Variants in COMMD10 observed in about 807,000 individuals in gnomAD.
COMMD10 encodes COMM domain containing 10.
A neutral mutation model predicts 28.9 loss-of-function variants in COMMD10; 33 were observed. That is an observed-to-expected ratio of 1.14 (90% confidence interval 0.87 to 1.53). COMMD10 has a LOEUF of 1.53. Among genes scored for constraint, COMMD10 ranks in the 40% most tolerant of loss-of-function variants. The probability of loss-of-function intolerance (pLI) is 0.00; values close to 1 mark genes in which losing one functional copy is unlikely to be tolerated. For missense variants in COMMD10, 310 were observed against 233.4 expected (o/e 1.33, Z -2.14); for synonymous variants, 110 against 81.7 (o/e 1.35, Z -1.87).
At chr5:116,089,799 T>C (rs577759476) in intron 2 of COMMD10, among the ~76,000 whole-genome samples, 9 of 152,340 alleles carry the variant, frequency 5.9e-5, no homozygotes, top group Admixed American at 4.6e-4. Context: ...ACTTGCCTGC[T>C]AAGAAGACGT....
At chr5:116,175,889 T>A (rs1047048399) in intron 5 of COMMD10, among the ~76,000 whole-genome samples, 1 of 152,054 alleles carries the variant, frequency 6.6e-6, no homozygotes, top group African/African-American at 2.4e-5. Context: ...AGTAGGGAGT[T>A]ATTGTTTAAT....
intron 4 of COMMD10, among the ~76,000 whole-genome samples, chr5:116,094,760 G>A (rs1029807847): frequency 8.5e-5 from 13 of 152,268 alleles, no homozygotes; most frequent in Non-Finnish European, 1.5e-4. Context: ...GCAAAGATAA[G>A]AAATCAACCT....
At chr5:116,209,758 T>C (rs1748911229) in intron 5 of COMMD10, among the ~76,000 whole-genome samples, 1 of 152,210 alleles carries the variant, frequency 6.6e-6, no homozygotes, top group African/African-American at 2.4e-5. Context: ...TATATGTTTT[T>C]GTATATATTT....
chr5:116,196,472 C>T (rs778941789), intron 5 of COMMD10, among the ~76,000 whole-genome samples: 1 of 151,350 alleles, frequency 6.6e-6, no homozygotes, highest in Non-Finnish European at 1.5e-5. Flanking sequence ...CCGAATACCA[C>T]CTGTACCCCA....
intron 5 of COMMD10, among the ~76,000 whole-genome samples, chr5:116,287,276 T>C (rs1224543789): frequency 6.6e-6 from 1 of 151,736 alleles, no homozygotes; most frequent in Non-Finnish European, 1.5e-5. Flanking sequence ...TGCATAAATA[T>C]TTATAATTGT....
At chr5:116,119,190 G>C (rs918697536) in intron 4 of COMMD10, among the ~76,000 whole-genome samples, 2 of 152,074 alleles carry the variant, frequency 1.3e-5, no homozygotes, top group East Asian at 1.9e-4. Context: ...TTATGATTTG[G>C]TACTTTGGTC....
chr5:116,282,225 A>T (rs1347553308), intron 5 of COMMD10, among the ~76,000 whole-genome samples: 1 of 151,690 alleles, frequency 6.6e-6, no homozygotes, highest in Non-Finnish European at 1.5e-5. Context: ...CTTCATCCCA[A>T]TTCAAGTCTG....
At chr5:116,121,511 T>C (rs1354171742) in intron 4 of COMMD10, among the ~76,000 whole-genome samples, 2 of 152,244 alleles carry the variant, frequency 1.3e-5, no homozygotes, top group Non-Finnish European at 2.9e-5. Flanking sequence ...ATGGGATGGC[T>C]GGGTCACATG....
At position 116,098,521 on chromosome 5, in the gene COMMD10, T is replaced by C. The variant is rs141832784; in HGVS notation, c.399+5821T>C. Among the ~76,000 whole-genome samples, 701 of 152,360 alleles carry C rather than the reference T, an allele frequency of 4.6e-3. 1 individual carries two copies. Among genetic ancestry groups the C allele is most frequent in the Middle Eastern group, 0.014 (4 of 294 alleles). On this transcript the variant is annotated intron_variant, in intron 4 of 6. Transcript: ENST00000274458. ...TGAATTTGCCATGTGCTGAGTACTA[T>C]GTTAAATCCACAGAAATGATGTGTT...
intron 5 of COMMD10, among the ~76,000 whole-genome samples, chr5:116,171,433 A>C (rs982420490): frequency 6.6e-6 from 1 of 152,152 alleles, no homozygotes. Flanking sequence ...TTCCTCAGGG[A>C]TCTAGAACCA....
chr5:116,215,419 AATATT>A (rs992033382), intron 5 of COMMD10, among the ~76,000 whole-genome samples: 1 of 151,784 alleles, frequency 6.6e-6, no homozygotes, highest in African/African-American at 2.4e-5. Flanking sequence ...AAAATTCATG[AATATT>A]ATATTAAATA....
At chr5:116,240,810 G>T (rs747161636) in intron 5 of COMMD10, among the ~76,000 whole-genome samples, 3 of 152,126 alleles carry the variant, frequency 2.0e-5, no homozygotes, top group Non-Finnish European at 2.9e-5. Context: ...TGGTGATTTC[G>T]AACTTGTAGC....
chr5:116,128,269 C>T (rs370542396), intron 4 of COMMD10, among the ~76,000 whole-genome samples: 1 of 151,940 alleles, frequency 6.6e-6, no homozygotes, highest in African/African-American at 2.4e-5. Context: ...TAGTAACATT[C>T]TCAGGTAAAA....
At chr5:116,101,797 T>A (rs1227573821) in intron 4 of COMMD10, among the ~76,000 whole-genome samples, 1 of 152,238 alleles carries the variant, frequency 6.6e-6, no homozygotes, top group Non-Finnish European at 1.5e-5. Context: ...TGCATTTCTC[T>A]GATCAGTGAT....
intron 4 of COMMD10, among the ~76,000 whole-genome samples, chr5:116,119,182 A>C (rs965949710): frequency 3.3e-5 from 5 of 152,176 alleles, no homozygotes; most frequent in South Asian, 4.1e-4. Context: ...GGCCAGTCTT[A>C]TGATTTGGTA....
At chr5:116,125,610 G>T (rs7728838) in intron 4 of COMMD10, among the ~76,000 whole-genome samples, 76,589 of 151,906 alleles carry the variant, frequency 0.5, 21,900 homozygotes, top group Non-Finnish European at 0.65. Context: ...TTGCTAGCTT[G>T]GGGAAGTTCT....
At chr5:116,171,768 A>G (rs1433953699) in intron 5 of COMMD10, among the ~76,000 whole-genome samples, 1 of 152,096 alleles carries the variant, frequency 6.6e-6, no homozygotes, top group Non-Finnish European at 1.5e-5. Flanking sequence ...CATAAGGGGG[A>G]GTTGAACAGT....
intron 5 of COMMD10, among the ~76,000 whole-genome samples, chr5:116,210,312 G>A (rs1010393093): frequency 1.3e-5 from 2 of 150,824 alleles, no homozygotes; most frequent in Non-Finnish European, 3.0e-5. Flanking sequence ...GTTAAATTAT[G>A]TATGTATTTA....
chr5:116,189,048 T>C (rs550786000), intron 5 of COMMD10, among the ~76,000 whole-genome samples: 2 of 152,346 alleles, frequency 1.3e-5, no homozygotes, highest in South Asian at 4.1e-4. Context: ...TATTGATGGC[T>C]CATTGTATGT....
Sources: gnomAD v4.1 joint callset for allele counts (sites outside exome capture counted in the v4.1 genomes callset) on GRCh38, gnomAD v4.1.1 for gene constraint, MANE v1.5 for transcripts, NCBI Gene and HGNC (gene_info 2026-07-23, HGNC 2026-07-21) for gene names.